GALNT13: variants seen among roughly 807,000 people sequenced by gnomAD.
GALNT13 encodes the protein UDP-GalNAc:polypeptide N-acetylgalactosaminyltransferase 13.
GALNT13 carries 28 observed loss-of-function variants against 64.2 expected under a neutral mutation model. That is an observed-to-expected ratio of 0.44 (90% CI 0.32 to 0.60). The LOEUF (loss-of-function observed/expected upper bound fraction) is 0.60, where lower values mean the gene tolerates loss of function less well. GALNT13 is among the 20% of genes least tolerant of loss of function. The pLI, the probability that GALNT13 is intolerant of heterozygous loss-of-function variation, is 0.05. For missense variants in GALNT13, 577 were observed against 669.8 expected (o/e 0.86, Z 1.53); for synonymous variants, 214 against 224.6 (o/e 0.95, Z 0.42).
chr2:153,086,554 C>T, the GALNT13 span, among the ~76,000 whole-genome samples: 5 of 152,090 alleles, frequency 3.3e-5, no homozygotes, highest in African/African-American at 1.2e-4. Flanking sequence ...TGTGAATTTC[C>T]TTCTCATTTG....
chr2:154,176,027 A>G (rs1373158144), intron 4 of GALNT13, among the ~76,000 whole-genome samples: 1 of 152,068 alleles, frequency 6.6e-6, no homozygotes, highest in Non-Finnish European at 1.5e-5. Flanking sequence ...AAAAAAGGTT[A>G]AGAAACCCTG....
intron 3 of GALNT13, among the ~76,000 whole-genome samples, chr2:154,027,457 C>T (rs755142183): frequency 1.3e-5 from 2 of 152,006 alleles, no homozygotes; most frequent in African/African-American, 4.8e-5. Context: ...GGCAAACTGT[C>T]GAATGGACAA....
chr2:153,399,833 A>G, the GALNT13 span, among the ~76,000 whole-genome samples: 9 of 151,572 alleles, frequency 5.9e-5, no homozygotes, highest in African/African-American at 1.5e-4. Context: ...GGCTGAGACA[A>G]TGGGGTTTTC....
chr2:154,077,100 T>C (rs1388025622), intron 3 of GALNT13, among the ~76,000 whole-genome samples: 2 of 151,656 alleles, frequency 1.3e-5, no homozygotes, highest in African/African-American at 4.8e-5. Context: ...AATTTATTAG[T>C]ATAACAGTGA....
the GALNT13 span, among the ~76,000 whole-genome samples, chr2:153,678,831 A>G: frequency 3.3e-5 from 5 of 152,010 alleles, no homozygotes; most frequent in Non-Finnish European, 7.4e-5. Context: ...AGACAGGGGT[A>G]GGTTTGTACT....
At chr2:154,003,677 G>A (rs1226975055) in intron 3 of GALNT13, among the ~76,000 whole-genome samples, 4 of 152,174 alleles carry the variant, frequency 2.6e-5, no homozygotes, top group Non-Finnish European at 5.9e-5. Context: ...CAATGTTGGA[G>A]ATTGGGCCTG....
At chr2:153,381,808 C>A in the GALNT13 span, among the ~76,000 whole-genome samples, 5 of 151,934 alleles carry the variant, frequency 3.3e-5, no homozygotes, top group Non-Finnish European at 7.4e-5. Context: ...TTGTAGGCAC[C>A]CACTTGAAGC....
the GALNT13 span, among the ~76,000 whole-genome samples, chr2:153,402,912 C>A: frequency 1.3e-5 from 2 of 152,216 alleles, no homozygotes; most frequent in Non-Finnish European, 2.9e-5. Flanking sequence ...TTGTCTGAAG[C>A]CTTCTACTCT....
the GALNT13 span, among the ~76,000 whole-genome samples, chr2:153,847,718 A>C: frequency 6.6e-6 from 1 of 152,210 alleles, no homozygotes; most frequent in African/African-American, 2.4e-5. Context: ...AATGTTACCC[A>C]GATAGAGCAG....
chr2:153,639,298 G>A, the GALNT13 span, among the ~76,000 whole-genome samples: 1 of 152,096 alleles, frequency 6.6e-6, no homozygotes, highest in Non-Finnish European at 1.5e-5. Context: ...GGGCTAGAAG[G>A]AAAGACACTG....
intron 11 of GALNT13, among the ~76,000 whole-genome samples, chr2:154,414,661 T>C (rs1699929478): frequency 6.6e-6 from 1 of 152,014 alleles, no homozygotes; most frequent in Non-Finnish European, 1.5e-5. Flanking sequence ...TCTAGTGATA[T>C]TGTTGCTTAT....
At chr2:154,407,423 T>A (rs2105388146) in intron 10 of GALNT13, among the ~76,000 whole-genome samples, 1 of 152,268 alleles carries the variant, frequency 6.6e-6, no homozygotes, top group Non-Finnish European at 1.5e-5. Context: ...TTGATCAGAC[T>A]ATGTGCAACC....
chr2:154,332,425 CA>C (rs944698309), intron 9 of GALNT13, among the ~76,000 whole-genome samples: 23 of 150,666 alleles, frequency 1.5e-4, no homozygotes, highest in Non-Finnish European at 8.9e-5. Context: ...TGCTATCCCA[CA>C]AAAAAAAATT....
chr2:153,509,145 C>T, the GALNT13 span, among the ~76,000 whole-genome samples: 2 of 152,312 alleles, frequency 1.3e-5, no homozygotes, highest in South Asian at 2.1e-4. Context: ...AAATAGCGGG[C>T]GCTGTGTGTG....
intron 9 of GALNT13, among the ~76,000 whole-genome samples, chr2:154,366,764 G>A (rs1283662350): frequency 6.6e-6 from 1 of 152,134 alleles, no homozygotes; most frequent in Non-Finnish European, 1.5e-5. Context: ...ATTACTGTGT[G>A]GAAAGTGATC....
At chr2:154,096,257 A>G (rs1049558800) in intron 3 of GALNT13, among the ~76,000 whole-genome samples, 2 of 151,972 alleles carry the variant, frequency 1.3e-5, no homozygotes, top group Non-Finnish European at 2.9e-5. Context: ...GGTATTTGGT[A>G]TTAGGTACAT....
chr2:153,818,194 T>A, the GALNT13 span, among the ~76,000 whole-genome samples: 1 of 152,188 alleles, frequency 6.6e-6, no homozygotes, highest in Non-Finnish European at 1.5e-5. Context: ...ATTCTGGGAA[T>A]GGGAGGACCC....
At chr2:153,227,895 G>T in the GALNT13 span, among the ~76,000 whole-genome samples, 1 of 152,148 alleles carries the variant, frequency 6.6e-6, no homozygotes, top group African/African-American at 2.4e-5. Context: ...CAAAATATGA[G>T]AAATTTAAAA....
chr2:154,438,332 T>C (rs1377382245), intron 11 of GALNT13, among the ~76,000 whole-genome samples: 1 of 152,194 alleles, frequency 6.6e-6, no homozygotes, highest in Non-Finnish European at 1.5e-5. Flanking sequence ...AGAACTACAG[T>C]GCCAGCAAAT....
Sources: allele counts gnomAD v4.1 joint callset (sites outside exome capture counted in the v4.1 genomes callset), GRCh38; gene constraint gnomAD v4.1.1; transcripts MANE v1.5; gene names NCBI Gene and HGNC (gene_info 2026-07-23, HGNC 2026-07-21).